DMD: variants seen among roughly 807,000 people sequenced by gnomAD.
DMD encodes the protein dystrophin, also known as mutant dystrophin.
In DMD, 63 loss-of-function variants were observed where a neutral mutation model predicts 330.1. That is an observed-to-expected ratio of 0.19 (90% confidence interval 0.16 to 0.24). The LOEUF is 0.24. DMD is among the 10% of genes least tolerant of loss of function. DMD has a pLI of 1.00. For synonymous variants in DMD, 1,223 were observed against 959.8 expected (o/e 1.27, Z -5.07); for missense variants, 3,344 against 2,684.1 (o/e 1.25, Z -5.43).
At chrX:31,410,099 C>T (rs1182219370) in intron 60 of DMD, among the ~76,000 whole-genome samples, 3 of 112,497 alleles carry the variant, frequency 2.7e-5, no homozygotes, top group South Asian at 3.7e-4. Context: ...GGATTATAGA[C>T]GTGAGTCACC....
chrX:32,995,915 AATTAG>A (rs2093107712), intron 2 of DMD, among the ~76,000 whole-genome samples: 1 of 112,043 alleles, frequency 8.9e-6, no homozygotes, highest in African/African-American at 3.2e-5. Flanking sequence ...ATTTAAATTG[AATTAG>A]ATTAAACTGT....
At chrX:31,251,624 G>C (rs1176257991) in intron 63 of DMD, among the ~76,000 whole-genome samples, 1 of 112,294 alleles carries the variant, frequency 8.9e-6, no homozygotes, top group Non-Finnish European at 1.9e-5. Flanking sequence ...AGAGGGTACA[G>C]ACTTTAAAAA....
intron 1 of DMD, among the ~76,000 whole-genome samples, chrX:33,106,054 C>CCACA (rs1557263796): frequency 7.8e-5 from 7 of 89,441 alleles, no homozygotes; most frequent in African/African-American, 3.3e-4. Context: ...GATACACACA[C>CCACA]CACACACACA....
At chrX:33,213,061 C>T (rs1170869252), upstream of DMD, among the ~76,000 whole-genome samples, 1 of 111,177 alleles carries the variant, frequency 9.0e-6, no homozygotes, top group Non-Finnish European at 1.9e-5. Context: ...ATCAATATCA[C>T]GTGGGAACTT....
intron 29 of DMD, among the ~76,000 whole-genome samples, chrX:32,427,516 T>G (rs913753383): frequency 1.8e-5 from 2 of 111,243 alleles, no homozygotes; most frequent in Non-Finnish European, 3.8e-5. Flanking sequence ...TCATACACAC[T>G]TGGATCCAGT....
At chrX:31,754,388 C>A (rs1284650038) in intron 51 of DMD, among the ~76,000 whole-genome samples, 2 of 110,937 alleles carry the variant, frequency 1.8e-5, no homozygotes, top group Admixed American at 9.7e-5. Context: ...TGGTTTACAA[C>A]ACACAATTCT....
intron 78 of DMD, 149 bp downstream of exon 78, chrX:31,126,493 A>C (rs1197496472): frequency 2.0e-6 from 1 of 511,861 alleles, no homozygotes; most frequent in East Asian, 3.5e-5. Context: ...ATGAGCTGCA[A>C]GTGGAGAGGT....
chrX:32,647,273 T>C (rs1278782129), intron 9 of DMD, among the ~76,000 whole-genome samples: 1 of 111,971 alleles, frequency 8.9e-6, no homozygotes, highest in African/African-American at 3.2e-5. Context: ...TGGTATAATA[T>C]GTGTATCTGT....
intron 7 of DMD, among the ~76,000 whole-genome samples, chrX:32,736,987 T>C (rs961542639): frequency 1.3e-4 from 15 of 111,371 alleles, no homozygotes; most frequent in Non-Finnish European, 2.3e-4. Flanking sequence ...TAACCACATA[T>C]ATATCCAAAT....
At chrX:32,630,333 T>A (rs761797314) in intron 11 of DMD, among the ~76,000 whole-genome samples, 52 of 111,387 alleles carry the variant, frequency 4.7e-4, no homozygotes, top group Admixed American at 2.4e-3. Flanking sequence ...ATTTTTTTTT[T>A]TATATGATTA....
At chrX:32,984,354 A>C (rs2092788661) in intron 2 of DMD, among the ~76,000 whole-genome samples, 1 of 112,369 alleles carries the variant, frequency 8.9e-6, no homozygotes, top group Non-Finnish European at 1.9e-5. Context: ...TCCCAGGTTC[A>C]AGCGATTCTC....
At position 31,121,220 on chromosome X, in the gene DMD, T is replaced by C. The variant is rs2032438179; in HGVS notation, c.*699A>G. 8.9e-6 allele frequency: 1 copy of C among 112,017 alleles called. No homozygotes were observed. Among genetic ancestry groups the C allele is most frequent in the African/African-American group, 3.2e-5 (1 of 30,790 alleles). The allele number at this position is 112,017 out of a possible 1,213,427, so 9.2% of individuals were successfully genotyped here. A position where few individuals can be genotyped will look rare whatever the true frequency, so the allele number is the denominator to read the frequency against. The stretch of plus-strand genomic sequence containing the variant: ...TCTTTATCTATATAACTATAGTATT[T>C]ATATACTTATAGACATATAGATATA... On this transcript the variant is annotated 3_prime_UTR_variant, in exon 79 of 79. Transcript: ENST00000357033.
At chrX:31,202,002 G>C (rs973162615) in intron 67 of DMD, among the ~76,000 whole-genome samples, 2 of 110,933 alleles carry the variant, frequency 1.8e-5, no homozygotes, top group Non-Finnish European at 3.8e-5. Flanking sequence ...AGCTCAGCCT[G>C]GCCAACATGG....
At chrX:31,900,059 G>A (rs2094401579) in intron 47 of DMD, among the ~76,000 whole-genome samples, 1 of 111,632 alleles carries the variant, frequency 9.0e-6, no homozygotes, top group African/African-American at 3.3e-5. Flanking sequence ...GGAAGGACTC[G>A]GTGTAACAGT....
chrX:32,935,326 A>C (rs2089937320), intron 2 of DMD, among the ~76,000 whole-genome samples: 2 of 112,139 alleles, frequency 1.8e-5, no homozygotes, highest in South Asian at 7.3e-4. Context: ...ACTCACACCT[A>C]TTCACTCATA....
intron 20 of DMD, 84 bp downstream of exon 20, chrX:32,491,193 T>A (rs769822341): frequency 2.6e-5 from 29 of 1,116,385 alleles, no homozygotes; most frequent in Middle Eastern, 5.0e-4. Flanking sequence ...GTTTCATTAC[T>A]AAATAATTTG....
intron 43 of DMD, among the ~76,000 whole-genome samples, chrX:32,225,864 CA>C (rs1259138060): frequency 9.0e-6 from 1 of 111,152 alleles, no homozygotes. Context: ...AATCGTCAGC[CA>C]ATTAAACCTC....
At position 32,682,425 on chromosome X, in the gene DMD, T is replaced by C. The variant is rs188887298; in HGVS notation, c.960+15445A>G. 4.5e-4 allele frequency among the ~76,000 whole-genome samples: 50 copies of C among 111,747 alleles called. 1 individual carries two copies. The East Asian group carries it at 8.5e-3, about 19-fold the overall frequency. ...CCAGTCTCATTAGGTAGTCTATACT[T>C]AAACACTACTCTGACAGAGGGCTCA... is the stretch of plus-strand genomic sequence containing the variant. On this transcript the variant is annotated intron_variant, in intron 9 of 78. Coordinates refer to ENST00000357033, the MANE Select transcript of DMD (RefSeq NM_004006.3).
intron 1 of DMD, among the ~76,000 whole-genome samples, chrX:33,224,938 T>A: frequency 9.0e-6 from 1 of 111,648 alleles, no homozygotes; most frequent in Non-Finnish European, 1.9e-5. Flanking sequence ...CATATGGACA[T>A]GGAAATTTAA....
Sources: gnomAD v4.1 joint callset for allele counts (sites outside exome capture counted in the v4.1 genomes callset) on GRCh38, gnomAD v4.1.1 for gene constraint, MANE v1.5 for transcripts, NCBI Gene and HGNC (gene_info 2026-07-23, HGNC 2026-07-21) for gene names.